RAB6A: variants seen among roughly 807,000 people sequenced by gnomAD.
RAB6A encodes the protein ras-related protein Rab-6A.
In RAB6A, 8 loss-of-function variants were observed where a neutral mutation model predicts 32.3. That is an observed-to-expected ratio of 0.25 (90% confidence interval 0.15 to 0.45). The LOEUF is 0.45. Ranked by LOEUF, RAB6A falls within the 20% of genes least tolerant of loss-of-function variation. The probability of loss-of-function intolerance (pLI) is 1.00; values close to 1 mark genes in which losing one functional copy is unlikely to be tolerated. For missense variants in RAB6A, 104 were observed against 249.4 expected (o/e 0.42, Z 3.93); for synonymous variants, 73 against 82.1 (o/e 0.89, Z 0.60).
chr11:73,715,488 T>C (rs1035720133), intron 5 of RAB6A, among the ~76,000 whole-genome samples: 4 of 152,228 alleles, frequency 2.6e-5, no homozygotes, highest in African/African-American at 9.7e-5. Context: ...ACAAGTCTTT[T>C]AACACTGGCT....
intron 2 of RAB6A, among the ~76,000 whole-genome samples, chr11:73,723,289 A>G (rs114910380): frequency 0.022 from 3,156 of 142,394 alleles, 61 homozygotes; most frequent in African/African-American, 0.046. Flanking sequence ...ACTGGGGGGG[A>G]AAAAAAGAAA....
rs370888337 is a variant in RAB6A, at chr11:73,677,922, G to T, written c.603C>A (p.Val201=). The stretch of plus-strand genomic sequence containing the variant: ...ATTAGCAGGAACAGCCTCCTTCACT[G>T]ACTGGTTGCTCCTGAGGCTTTTCCA... ...IKLEKPQEQP[V]SEGGCSC is the part of the protein sequence containing the mutation. Residue 201 remains valine (V), a synonymous_variant, in exon 8 of 8, where the codon GTC becomes GTA. Coordinates refer to ENST00000336083, the MANE Select transcript of RAB6A (RefSeq NM_198896.2). The T allele has an allele frequency of 5.0e-6, 8 of 1,614,098 alleles. No individual in the cohort carries two copies. The African/African-American group carries it at 9.3e-5, about 19-fold the overall frequency.
At chr11:73,683,026 CAT>C (rs1382101889) in intron 6 of RAB6A, among the ~76,000 whole-genome samples, 1 of 152,136 alleles carries the variant, frequency 6.6e-6, no homozygotes, top group East Asian at 1.9e-4. Context: ...TGAAGGAAAA[CAT>C]ATTTTATAGA....
chr11:73,752,430 G>A lies in RAB6A; in HGVS notation c.70+8136C>T, dbSNP rs138393632. ...AAGATTGCACCATTGCACTCCAGCC[G>A]GGGTGACAGGGCAAGATTCTGTCTC... On this transcript the variant is annotated intron_variant, in intron 1 of 7. Transcript: ENST00000336083. Among the ~76,000 whole-genome samples the A allele has an allele frequency of 3.3e-3, 508 of 152,084 alleles. 1 individual carries two copies. Among genetic ancestry groups the A allele is most frequent in the African/African-American group, 0.012 (479 of 41,504 alleles).
intron 2 of RAB6A, among the ~76,000 whole-genome samples, chr11:73,721,642 G>C (rs1036069526): frequency 1.3e-5 from 2 of 152,140 alleles, no homozygotes; most frequent in Non-Finnish European, 2.9e-5. Flanking sequence ...AAGAATGGAA[G>C]AAAGACAGAC....
intron 1 of RAB6A, among the ~76,000 whole-genome samples, chr11:73,747,816 C>A (rs79339301): frequency 6.6e-6 from 1 of 152,130 alleles, no homozygotes; most frequent in Non-Finnish European, 1.5e-5. Flanking sequence ...TGTTTTCTCA[C>A]GATTAGACAG....
intron 6 of RAB6A, among the ~76,000 whole-genome samples, chr11:73,684,649 T>C (rs916428345): frequency 6.6e-6 from 1 of 152,210 alleles, no homozygotes; most frequent in African/African-American, 2.4e-5. Flanking sequence ...TATGCAGTTT[T>C]GGCCTCAATG....
intron 3 of RAB6A, among the ~76,000 whole-genome samples, chr11:73,720,498 T>G (rs1946118589): frequency 6.6e-6 from 1 of 152,136 alleles, no homozygotes; most frequent in Non-Finnish European, 1.5e-5. Flanking sequence ...ACTTCTTTTT[T>G]GTCAGTCACT....
intron 3 of RAB6A, 147 bp from the exon 4 acceptor site, chr11:73,718,865 G>GC (rs775301035): frequency 1.2e-6 from 2 of 1,612,722 alleles, no homozygotes; most frequent in Non-Finnish European, 1.7e-6. Context: ...TTCCTGACCC[G>GC]CAGTATCCCA....
chr11:73,740,917 C>T (rs902849129), intron 1 of RAB6A, among the ~76,000 whole-genome samples: 2 of 151,390 alleles, frequency 1.3e-5, no homozygotes, highest in African/African-American at 4.9e-5. Flanking sequence ...AACTACACTA[C>T]ACCTGTACAG....
At chr11:73,720,771 A>C in intron 3 of RAB6A, 75 bp downstream of exon 3, 1 of 1,147,454 alleles carries the variant, frequency 8.7e-7, no homozygotes. Flanking sequence ...TTATGGTGAC[A>C]ATCATTGATA....
At chr11:73,696,870 C>T (rs1218574902) in intron 6 of RAB6A, among the ~76,000 whole-genome samples, 1 of 152,006 alleles carries the variant, frequency 6.6e-6, no homozygotes, top group Non-Finnish European at 1.5e-5. Context: ...TCCCAAGGTG[C>T]TGGGATTACC....
At position 73,720,846 on chromosome 11, in the gene RAB6A, T is replaced by C. The variant is rs781461342; in HGVS notation, c.183A>G (p.Thr61=). The C allele has an allele frequency of 1.2e-6, 2 of 1,605,580 alleles. No homozygotes were observed. Among genetic ancestry groups the C allele is most frequent in the Non-Finnish European group, 1.7e-6 (2 of 1,175,054 alleles). Residue 61 remains threonine, a splice_region_variant and synonymous_variant, in exon 3 of 8, where the codon ACA becomes ACG. Coordinates refer to ENST00000336083, the MANE Select transcript of RAB6A (RefSeq NM_198896.2). ...ATTGCACACTGAAAATATTACTCAC[T>C]GTTCGATCCTCCAAGTACATAGTTT... ...LSKTMYLEDR[T]VRLQLWDTAG...
chr11:73,689,895 CAAAAA>C (rs5792626), intron 6 of RAB6A, among the ~76,000 whole-genome samples: 1 of 60,962 alleles, frequency 1.6e-5, no homozygotes, highest in Non-Finnish European at 3.4e-5. Flanking sequence ...GACTCCGTCT[CAAAAA>C]AAAAAAAAAA....
chr11:73,689,210 C>T (rs1005850717), intron 6 of RAB6A, among the ~76,000 whole-genome samples: 8 of 152,118 alleles, frequency 5.3e-5, no homozygotes, highest in Non-Finnish European at 1.2e-4. Flanking sequence ...CACCAGGGAC[C>T]GGTTTCCTGT....
chr11:73,730,720 T>C (rs2134972045), intron 2 of RAB6A, 45 bp downstream of exon 2: 1 of 1,457,588 alleles, frequency 6.9e-7, no homozygotes, highest in Non-Finnish European at 9.5e-7. Context: ...GAATATTACT[T>C]GTAACAAAAA....
At position 73,720,447 on chromosome 11, in the gene RAB6A, G is replaced by T. The variant is rs189444753; in HGVS notation, c.183+399C>A. ...TCCACCTGCCTCAGCCTCCCAAAGTGCTGGGATTACAGGTGTGAGCCACCG... is the reference window on the plus strand; with the variant it reads ...TCCACCTGCCTCAGCCTCCCAAAGTTCTGGGATTACAGGTGTGAGCCACCG... On this transcript the variant is annotated intron_variant, in intron 3 of 7. Transcript: ENST00000336083. 2.6e-3 allele frequency among the ~76,000 whole-genome samples: 398 copies of T among 152,196 alleles called. 5 individuals are homozygous for T. The highest frequency in any genetic ancestry group is 3.9e-3 in the South Asian group (19 of 4,822).
At chr11:73,703,959 G>A (rs897797864) in intron 6 of RAB6A, among the ~76,000 whole-genome samples, 10 of 151,466 alleles carry the variant, frequency 6.6e-5, no homozygotes, top group African/African-American at 2.2e-4. Flanking sequence ...GAACCCGGGA[G>A]GCAAGGTTGC....
intron 6 of RAB6A, among the ~76,000 whole-genome samples, chr11:73,705,225 T>C (rs1042857654): frequency 6.6e-6 from 1 of 151,976 alleles, no homozygotes; most frequent in Non-Finnish European, 1.5e-5. Context: ...TATAAGCAAC[T>C]AGCTCACACC....
Sources: gnomAD v4.1 joint callset for allele counts (sites outside exome capture counted in the v4.1 genomes callset) on GRCh38, gnomAD v4.1.1 for gene constraint, MANE v1.5 for transcripts, NCBI Gene and HGNC (gene_info 2026-07-23, HGNC 2026-07-21) for gene names.